Variants in PLEKHF2 observed in about 807,000 individuals in gnomAD.
PLEKHF2 encodes pleckstrin homology domain-containing family F member 2.
In PLEKHF2, 4 loss-of-function variants were observed where a neutral mutation model predicts 14.7. The ratio of observed to expected loss-of-function variants is 0.27; its 90% CI spans 0.13 to 0.62. PLEKHF2 has a LOEUF of 0.62. Among genes scored for constraint, PLEKHF2 ranks in the 20% least tolerant of loss-of-function variants. The pLI is 0.85. For missense variants in PLEKHF2, 201 were observed against 307.7 expected, an observed-to-expected ratio of 0.65 and a Z score of 2.60; for synonymous variants, 90 against 103.5, an observed-to-expected ratio of 0.87 and a Z score of 0.79.
In PLEKHF2 at chr8:95,156,191, T is replaced by A. The variant is rs924060868; in HGVS notation, c.*1397T>A. The A allele has an allele frequency of 6.0e-6, 1 of 167,056 alleles. No individual in the cohort carries two copies. Among genetic ancestry groups the A allele is most frequent in the Non-Finnish European group, 1.5e-5 (1 of 68,098 alleles). 10.3% of individuals were successfully genotyped at this position (167,056 alleles called of 1,614,324 possible). On this transcript the variant is annotated 3_prime_UTR_variant, in exon 2 of 2. Transcript: ENST00000315367. The stretch of plus-strand genomic sequence containing the variant: ...GCAAACAACTACAGTCTTTGAAATA[T>A]GGAAAATCAGCAGTCTAAAGTTTGT...
rs1041228227 is a variant in PLEKHF2 at position 95,155,970 on chromosome 8, G to A, written c.*1176G>A. ...TGTAAAACAATTGTATGTATAATCT[G>A]TATTTGAAATCATTTTGCAATCTAT... On this transcript the variant is annotated 3_prime_UTR_variant, in exon 2 of 2. Transcript: ENST00000315367. 1.8e-5 allele frequency: 3 copies of A among 167,092 alleles called. No homozygotes were observed. In the Admixed American group the frequency reaches 2.0e-4, roughly 11 times the overall value. The allele number at this position is 167,092 out of a possible 1,614,324, so 10.4% of individuals were successfully genotyped here. A position where few individuals can be genotyped will look rare whatever the true frequency, so the allele number is the denominator to read the frequency against.
At chr8:95,138,325 TTTC>T (rs1259696346) in intron 1 of PLEKHF2, among the ~76,000 whole-genome samples, 1 of 151,120 alleles carries the variant, frequency 6.6e-6, no homozygotes, top group African/African-American at 2.4e-5. Flanking sequence ...AATTTTCTAT[TTTC>T]TTCTTTGCAC....
At chr8:95,150,036 A>T (rs1810539673) in intron 1 of PLEKHF2, among the ~76,000 whole-genome samples, 1 of 152,150 alleles carries the variant, frequency 6.6e-6, no homozygotes, top group Non-Finnish European at 1.5e-5. Flanking sequence ...TAGTGCCCTA[A>T]TCCAGTTTAC....
chr8:95,136,351 C>CAG, intron 1 of PLEKHF2, among the ~76,000 whole-genome samples: 1 of 151,362 alleles, frequency 6.6e-6, no homozygotes, highest in African/African-American at 2.4e-5. Flanking sequence ...CACACACACA[C>CAG]ACACACACAC....
chr8:95,148,929 G>T (rs997957527), intron 1 of PLEKHF2, among the ~76,000 whole-genome samples: 77 of 151,806 alleles, frequency 5.1e-4, no homozygotes, highest in African/African-American at 1.8e-3. Context: ...GAAAAATAGC[G>T]CAAAGAAAAG....
intron 1 of PLEKHF2, among the ~76,000 whole-genome samples, chr8:95,142,291 G>C (rs998997860): frequency 1.2e-4 from 18 of 152,002 alleles, no homozygotes; most frequent in African/African-American, 4.8e-5. Context: ...TTCTGGCTCT[G>C]TGGTCCAGGC....
chr8:95,152,241 C>T (rs1262892136), intron 1 of PLEKHF2, among the ~76,000 whole-genome samples: 1 of 152,076 alleles, frequency 6.6e-6, no homozygotes, highest in East Asian at 1.9e-4. Context: ...ATAACTTTTT[C>T]AATCAGTTCC....
chr8:95,135,142 G>A (rs1810362459), intron 1 of PLEKHF2, among the ~76,000 whole-genome samples: 1 of 152,252 alleles, frequency 6.6e-6, no homozygotes, highest in African/African-American at 2.4e-5. Context: ...GAAAGCACAC[G>A]TAATCGGCCT....
At chr8:95,139,712 C>T (rs555412196) in intron 1 of PLEKHF2, among the ~76,000 whole-genome samples, 22 of 151,952 alleles carry the variant, frequency 1.4e-4, no homozygotes, top group African/African-American at 5.1e-4. Context: ...TGTGCCACAC[C>T]CCCTCCACCC....
intron 1 of PLEKHF2, among the ~76,000 whole-genome samples, chr8:95,152,908 G>T (rs539566299): frequency 6.6e-6 from 1 of 152,178 alleles, no homozygotes; most frequent in Admixed American, 6.6e-5. Context: ...AATATGACTT[G>T]GTTATAGTAT....
chr8:95,155,261 C>T lies in PLEKHF2; in HGVS notation c.*467C>T, dbSNP rs899817099. Reference sequence around the variant, plus strand: ...AACACATGATTTGGAAATACTTTGGCTTTTTCATATACCTAGTGGTGCCTT... The same window carrying T: ...AACACATGATTTGGAAATACTTTGGTTTTTTCATATACCTAGTGGTGCCTT... On this transcript the variant is annotated 3_prime_UTR_variant, in exon 2 of 2. Coordinates refer to ENST00000315367, the MANE Select transcript of PLEKHF2 (RefSeq NM_024613.4). 5.6e-6 allele frequency: 1 copy of T among 177,170 alleles called. No homozygotes were observed. The highest frequency in any genetic ancestry group is 2.4e-5 in the African/African-American group (1 of 41,488). 11.0% of individuals were successfully genotyped at this position (177,170 alleles called of 1,614,324 possible).
At chr8:95,153,656 T>G (rs1366752443) in intron 1 of PLEKHF2, among the ~76,000 whole-genome samples, 1 of 152,206 alleles carries the variant, frequency 6.6e-6, no homozygotes, top group Non-Finnish European at 1.5e-5. Flanking sequence ...TTATGTAACA[T>G]TTTGTTCCCT....
At chr8:95,138,964 C>T (rs1810409567) in intron 1 of PLEKHF2, among the ~76,000 whole-genome samples, 1 of 152,078 alleles carries the variant, frequency 6.6e-6, no homozygotes. Context: ...ATTTCTATTG[C>T]CAAAATGGCA....
intron 1 of PLEKHF2, among the ~76,000 whole-genome samples, chr8:95,144,773 G>A (rs948661641): frequency 2.0e-5 from 3 of 151,232 alleles, no homozygotes; most frequent in Non-Finnish European, 4.4e-5. Flanking sequence ...AGGCTGAGTC[G>A]GAATTGCTTG....
At chr8:95,140,961 C>T (rs529178974) in intron 1 of PLEKHF2, among the ~76,000 whole-genome samples, 1 of 152,176 alleles carries the variant, frequency 6.6e-6, no homozygotes, top group African/African-American at 2.4e-5. Flanking sequence ...TTGTCAGTTA[C>T]TCCCATGATA....
intron 1 of PLEKHF2, among the ~76,000 whole-genome samples, chr8:95,144,503 G>A (rs988767386): frequency 1.3e-5 from 2 of 151,832 alleles, no homozygotes; most frequent in African/African-American, 4.8e-5. Context: ...ACATAATATA[G>A]GTCCATATGC....
intron 1 of PLEKHF2, among the ~76,000 whole-genome samples, chr8:95,149,959 T>G (rs1457668773): frequency 6.6e-6 from 1 of 152,130 alleles, no homozygotes; most frequent in Non-Finnish European, 1.5e-5. Context: ...CTCAGTGTGC[T>G]GGAGGTAAAT....
chr8:95,145,525 G>T (rs1563882912), intron 1 of PLEKHF2, among the ~76,000 whole-genome samples: 2 of 151,730 alleles, frequency 1.3e-5, no homozygotes, highest in Admixed American at 6.6e-5. Context: ...TCGGGTTCAA[G>T]CCATTCTCCT....
At chr8:95,150,472 G>A (rs890401485) in intron 1 of PLEKHF2, among the ~76,000 whole-genome samples, 4 of 152,148 alleles carry the variant, frequency 2.6e-5, no homozygotes, top group Admixed American at 2.6e-4. Flanking sequence ...ACGAGTGTTT[G>A]TAACCTTGCA....
Sources: allele counts gnomAD v4.1 joint callset (sites outside exome capture counted in the v4.1 genomes callset), GRCh38; gene constraint gnomAD v4.1.1; transcripts MANE v1.5; gene names NCBI Gene and HGNC (gene_info 2026-07-23, HGNC 2026-07-21).